The following GOPC variants were observed in gnomAD, a reference collection of about 807,000 sequenced individuals.
GOPC encodes the protein Golgi-associated PDZ and coiled-coil motif-containing protein.
GOPC carries 32 observed loss-of-function variants against 51.2 expected under a neutral mutation model. The ratio of observed to expected loss-of-function variants is 0.63; its 90% CI spans 0.47 to 0.84. The LOEUF is 0.84. GOPC is among the 40% of genes least tolerant of loss of function. GOPC has a pLI of 0.00. For missense variants in GOPC, 441 were observed against 555.5 expected, an observed-to-expected ratio of 0.79 and a Z score of 2.07; for synonymous variants, 190 against 205.1, an observed-to-expected ratio of 0.93 and a Z score of 0.63.
intron 1 of GOPC, among the ~76,000 whole-genome samples, chr6:117,601,075 T>C (rs1771998938): frequency 6.6e-6 from 1 of 152,132 alleles, no homozygotes; most frequent in South Asian, 2.1e-4. Context: ...ATGTTCAGAG[T>C]TTTGCACATC....
chr6:117,560,670 C>T lies in GOPC; in HGVS notation c.*2584G>A, dbSNP rs2114594182. 1 of 196,524 alleles carries T rather than the reference C, an allele frequency of 5.1e-6. No individual in the cohort carries two copies. The highest frequency in any genetic ancestry group is 8.0e-5 in the East Asian group (1 of 12,500). 12.2% of individuals were successfully genotyped at this position (196,524 alleles called of 1,614,324 possible). A position where few individuals can be genotyped will look rare whatever the true frequency, so the allele number is the denominator to read the frequency against. On this transcript the variant is annotated 3_prime_UTR_variant, in exon 9 of 9. Transcript: ENST00000368498. ...AAATTTATTTTAACAATAGTCTCAC[C>T]ACCAAAATGTTGCTTTTCCATCATA...
Position 117,562,125 on chromosome 6 carries a change from T to C in GOPC, c.*1129A>G, listed in dbSNP as rs184724537. The C allele has an allele frequency of 9.7e-6, 2 of 207,004 alleles. No homozygotes were observed. Among genetic ancestry groups the C allele is most frequent in the East Asian group, 1.5e-4 (2 of 13,638 alleles). The allele number at this position is 207,004 out of a possible 1,614,324, so 12.8% of individuals were successfully genotyped here. A position where few individuals can be genotyped will look rare whatever the true frequency, so the allele number is the denominator to read the frequency against. Reference sequence around the variant, plus strand: ...GAATATTAAATCAGAGAGGAGGCACTCCATGTTTAATCATGGGACAACAGA... The same window carrying C: ...GAATATTAAATCAGAGAGGAGGCACCCCATGTTTAATCATGGGACAACAGA... On this transcript the variant is annotated 3_prime_UTR_variant, in exon 9 of 9. Transcript: ENST00000368498.
chr6:117,597,513 T>C (rs1014483506), intron 1 of GOPC, among the ~76,000 whole-genome samples: 1 of 152,214 alleles, frequency 6.6e-6, no homozygotes, highest in Non-Finnish European at 1.5e-5. Flanking sequence ...AATCAATGCC[T>C]ATGATTCTAG....
At chr6:117,590,070 A>G (rs1780092753) in intron 1 of GOPC, among the ~76,000 whole-genome samples, 1 of 152,218 alleles carries the variant, frequency 6.6e-6, no homozygotes, top group African/African-American at 2.4e-5. Context: ...TATAGAGTCA[A>G]CAAGACAGAT....
intron 1 of GOPC, among the ~76,000 whole-genome samples, chr6:117,585,553 G>A (rs1780018321): frequency 6.6e-6 from 1 of 152,144 alleles, no homozygotes; most frequent in South Asian, 2.1e-4. Context: ...AGACCTAAGA[G>A]ATTATGTGAG....
chr6:117,584,948 T>C (rs1780009048), intron 1 of GOPC, among the ~76,000 whole-genome samples: 1 of 152,080 alleles, frequency 6.6e-6, no homozygotes, highest in African/African-American at 2.4e-5. Context: ...ACTATGACTG[T>C]AGGCTCACTG....
chr6:117,602,441 G>C lies in GOPC; in HGVS notation c.-153C>G, dbSNP rs1562151721. The C allele has an allele frequency of 2.0e-5, 14 of 694,652 alleles. No homozygotes were observed. Among genetic ancestry groups the C allele is most frequent in the Non-Finnish European group, 2.6e-5 (11 of 424,184 alleles). 43.0% of individuals were successfully genotyped at this position (694,652 alleles called of 1,614,324 possible). On this transcript the variant is annotated 5_prime_UTR_variant, in exon 1 of 9. Coordinates refer to ENST00000368498, the MANE Select transcript of GOPC (RefSeq NM_020399.4). The stretch of plus-strand genomic sequence containing the variant: ...CGTTAACGCCAGCAGCACAGTCACA[G>C]AACCGCAGGAGTAACGAGGCTGAAG...
At chr6:117,572,860 T>C (rs997610706) in intron 5 of GOPC, among the ~76,000 whole-genome samples, 25 of 152,246 alleles carry the variant, frequency 1.6e-4, no homozygotes, top group Non-Finnish European at 3.5e-4. Context: ...CATTATCTGG[T>C]ACTAAGATAT....
intron 1 of GOPC, among the ~76,000 whole-genome samples, chr6:117,590,646 GAA>G (rs919244242): frequency 6.7e-5 from 10 of 149,210 alleles, no homozygotes; most frequent in African/African-American, 2.0e-4. Flanking sequence ...AGCACTATTT[GAA>G]AGACGTGTGA....
In GOPC at chr6:117,575,370, G is replaced by A. The variant is rs901821363; in HGVS notation, c.475-18C>T. 1 of 1,549,390 alleles carries A rather than the reference G, an allele frequency of 6.5e-7. No homozygotes were observed. On this transcript the variant is annotated intron_variant, in intron 3 of 8. Transcript: ENST00000368498. Reference sequence around the variant, plus strand: ...TCTCTTTCCTATGTAATTTTTAAAAGCATATAATTTAATGAAAATAAAAAC... The same window carrying A: ...TCTCTTTCCTATGTAATTTTTAAAAACATATAATTTAATGAAAATAAAAAC...
chr6:117,582,098 A>G (rs1779966441), intron 1 of GOPC, among the ~76,000 whole-genome samples: 1 of 151,932 alleles, frequency 6.6e-6, no homozygotes, highest in Non-Finnish European at 1.5e-5. Flanking sequence ...CTCATTGCTA[A>G]TAAGGTTTAA....
rs768026972 is a variant in GOPC at position 117,569,627 on chromosome 6, C to T, written c.1022G>A (p.Gly341Glu). The T allele has an allele frequency of 6.2e-7, 1 of 1,613,028 alleles. No homozygotes were observed. The highest frequency in any genetic ancestry group is 8.5e-7 in the Non-Finnish European group (1 of 1,179,686). The change falls in exon 7 of 9, where the codon GGA becomes GAA. Residue 341 changes from glycine to glutamate, a missense_variant. Physicochemically the swap from Gly to Glu is moderately conservative, Grantham distance 98. Transcript: ENST00000368498. ...HVGDAILAVN[G>E]VNLRDTKHKE... ...ATGCTTTGTGTCCCTTAGGTTAACT[C>T]CGTTGACTGCCAAAATAGCATCCCC...
At chr6:117,563,451 G>A in intron 8 of GOPC, 67 bp from the exon 9 acceptor site, 1 of 1,494,702 alleles carries the variant, frequency 6.7e-7, no homozygotes, top group East Asian at 2.3e-5. Flanking sequence ...GTCAGGTGCA[G>A]TGGCTCATAC....
chr6:117,583,687 A>T (rs570997841), intron 1 of GOPC, among the ~76,000 whole-genome samples: 50 of 152,144 alleles, frequency 3.3e-4, no homozygotes, highest in Admixed American at 2.1e-3. Flanking sequence ...GAAGCTCTGT[A>T]TCTTTGCTCT....
chr6:117,564,350 T>G (rs1779650621), intron 8 of GOPC, among the ~76,000 whole-genome samples: 1 of 152,180 alleles, frequency 6.6e-6, no homozygotes, highest in Non-Finnish European at 1.5e-5. Context: ...TACTGAACTG[T>G]GAATTATATT....
intron 1 of GOPC, among the ~76,000 whole-genome samples, chr6:117,590,864 G>GTTTTT (rs1214115035): frequency 1.3e-5 from 2 of 151,860 alleles, no homozygotes; most frequent in African/African-American, 4.8e-5. Context: ...GTTTTGTTTT[G>GTTTTT]TTTTTTGAGA....
At position 117,563,200 on chromosome 6, in the gene GOPC, T is replaced by C; in HGVS notation, c.*54A>G. Reference sequence around the variant, plus strand: ...TAGTCTTTGTCACCATCTTCCCCAGTGCCCCAAATTCAGAATAGTCTGATT... The same window carrying C: ...TAGTCTTTGTCACCATCTTCCCCAGCGCCCCAAATTCAGAATAGTCTGATT... On this transcript the variant is annotated 3_prime_UTR_variant, in exon 9 of 9. Transcript: ENST00000368498. 1.3e-6 allele frequency: 2 copies of C among 1,541,776 alleles called. No individual in the cohort carries two copies. Among genetic ancestry groups the C allele is most frequent in the Non-Finnish European group, 1.8e-6 (2 of 1,122,184 alleles).
intron 1 of GOPC, among the ~76,000 whole-genome samples, chr6:117,579,865 T>C (rs1779933263): frequency 1.3e-5 from 2 of 152,080 alleles, no homozygotes; most frequent in South Asian, 4.1e-4. Context: ...GTAGATAATA[T>C]TTTTAAAAAT....
intron 1 of GOPC, 45 bp from the exon 2 acceptor site, chr6:117,579,109 TTTC>T (rs1779924106): frequency 2.7e-6 from 4 of 1,476,748 alleles, no homozygotes; most frequent in African/African-American, 1.4e-5. Context: ...CTTAATTTTC[TTTC>T]TTTTGACTAA....
Sources: gnomAD v4.1 joint callset for allele counts (sites outside exome capture counted in the v4.1 genomes callset) on GRCh38, gnomAD v4.1.1 for gene constraint, MANE v1.5 for transcripts, NCBI Gene and HGNC (gene_info 2026-07-23, HGNC 2026-07-21) for gene names.